Variants in HEATR4 observed in about 807,000 individuals in gnomAD.
HEATR4 encodes HEAT repeat-containing protein 4.
In HEATR4, 95 loss-of-function variants were observed where a neutral mutation model predicts 108.8. That is an observed-to-expected ratio of 0.87 (90% CI 0.74 to 1.04). The LOEUF is 1.04. Ranked by LOEUF, HEATR4 falls within the 50% of genes least tolerant of loss-of-function variation. The pLI, the probability that HEATR4 is intolerant of heterozygous loss-of-function variation, is 0.00. For missense variants in HEATR4, 1,152 were observed against 1,253.8 expected (o/e 0.92, Z 1.23); for synonymous variants, 443 against 459.4 (o/e 0.96, Z 0.46).
the HEATR4 span, chr14:73,581,132 C>CTTTTTTT: frequency 9.7e-5 from 14 of 144,308 alleles, no homozygotes; most frequent in Non-Finnish European, 7.6e-5. Context: ...TCACCTCACA[C>CTTTTTTT]TTTTTTTTTT....
Position 73,523,066 on chromosome 14 carries a change from T to A in HEATR4, c.87A>T (p.Leu29Phe), listed in dbSNP as rs1036334932. 1.9e-6 allele frequency: 3 copies of A among 1,613,662 alleles called. No homozygotes were observed. The highest frequency in any genetic ancestry group is 2.5e-6 in the Non-Finnish European group (3 of 1,180,008). ...LPPRLGWGMILNYSKLKGKEE... is the reference protein window; with the variant it reads ...LPPRLGWGMIFNYSKLKGKEE... ...CCTTGCCTTTCAATTTTGAGTAGTT[T>A]AAAATCATGCCCCATCCCAGTCGTG... The change falls in exon 3 of 18, where the codon TTA becomes TTT. Residue 29 changes from leucine to phenylalanine, a missense_variant. Transcript: ENST00000553558.
the HEATR4 span, chr14:73,569,576 G>T: frequency 1.3e-6 from 2 of 1,599,582 alleles, no homozygotes; most frequent in Non-Finnish European, 8.5e-7. Context: ...AGGCCCACGC[G>T]CGCTACCGCG....
chr14:73,569,175 C>A, the HEATR4 span: 2 of 1,572,108 alleles, frequency 1.3e-6, no homozygotes, highest in East Asian at 2.2e-5. Context: ...CTCTGGCCTT[C>A]CCCGCTCACG....
chr14:73,499,082 A>G lies in HEATR4; in HGVS notation c.2345T>C (p.Phe782Ser). Residue 782 changes from phenylalanine (F) to serine (S), a missense_variant, in exon 13 of 18, where the codon TTT (phenylalanine) becomes TCT (serine). Physicochemically the swap from Phe to Ser is radical, Grantham distance 155 (BLOSUM62 -2). Transcript: ENST00000553558. ...TACTTCTATAATACCTCGAATGGCA[A>G]AGGCCTTGATTTTCCAGTAAGGATC... is the stretch of plus-strand genomic sequence containing the variant. Reference protein sequence around the residue: ...QRDPYWKIKAFAIRALGQIGQ... With the variant: ...QRDPYWKIKASAIRALGQIGQ... 2 of 1,614,090 alleles carry G rather than the reference A, an allele frequency of 1.2e-6. No homozygotes were observed. Among genetic ancestry groups the G allele is most frequent in the African/African-American group, 1.3e-5 (1 of 75,052 alleles).
At chr14:73,621,340 T>G in the HEATR4 span, among the ~76,000 whole-genome samples, 36 of 152,292 alleles carry the variant, frequency 2.4e-4, no homozygotes, top group African/African-American at 8.4e-4. Flanking sequence ...AGGAATGCCT[T>G]GATGCCAAGA....
chr14:73,623,203 G>T, the HEATR4 span, among the ~76,000 whole-genome samples: 1 of 152,102 alleles, frequency 6.6e-6, no homozygotes, highest in Admixed American at 6.6e-5. Flanking sequence ...GAGCCACCAC[G>T]CCTGGCCTTA....
chr14:73,613,316 C>T, the HEATR4 span, among the ~76,000 whole-genome samples: 1 of 152,008 alleles, frequency 6.6e-6, no homozygotes, highest in African/African-American at 2.4e-5. Context: ...CTGGAGGCAC[C>T]ACCACTTTAG....
At chr14:73,520,628 T>C (rs1595131366) in intron 4 of HEATR4, 6 of 464,974 alleles carry the variant, frequency 1.3e-5, no homozygotes, top group Admixed American at 7.3e-5. Flanking sequence ...TTTAGTAAGA[T>C]AGAGGGATAG....
rs1886205299 is a variant in HEATR4, at chr14:73,498,047, C to CT, written c.2546+107dup. 1.4e-5 allele frequency: 14 copies of CT among 1,026,022 alleles called. No individual in the cohort carries two copies. The South Asian group carries it at 2.2e-4, about 16-fold the overall frequency. 63.6% of individuals were successfully genotyped at this position (1,026,022 alleles called of 1,614,324 possible). A position where few individuals can be genotyped will look rare whatever the true frequency, so the allele number is the denominator to read the frequency against. On this transcript the variant is annotated intron_variant, in intron 14 of 17. Transcript: ENST00000553558. ...TGGTGAATGTGCAGGTGAACCAGTG[C>CT]TTTTACTGCCATTAGGTAGCCTGGA...
chr14:73,505,309 C>G (rs1886738788), intron 10 of HEATR4, among the ~76,000 whole-genome samples: 1 of 152,148 alleles, frequency 6.6e-6, no homozygotes. Flanking sequence ...ATTGCTTGTT[C>G]TTGAATCATT....
the HEATR4 span, chr14:73,567,515 ACTCTGTAAAATGGAAAATCAGCG>A: frequency 1.3e-5 from 2 of 151,924 alleles, no homozygotes; most frequent in African/African-American, 2.4e-5. Flanking sequence ...ACCAATCAGC[ACTCTGTAAAATGGAAAATCAGCG>A]CTCTGTAAAA....
chr14:73,502,878 T>C lies in HEATR4; in HGVS notation c.2105+17A>G, dbSNP rs746859092. The C allele has an allele frequency of 1.6e-5, 25 of 1,582,504 alleles. No homozygotes were observed. The highest frequency in any genetic ancestry group is 3.3e-4 in the Middle Eastern group (2 of 6,014). ...AAGAATTTAGAAGAGTGTCTCCTCA[T>C]GTTGACTGGGTCTTACCTGATTATG... On this transcript the variant is annotated intron_variant, in intron 11 of 17. Transcript: ENST00000553558.
Position 73,533,334 on chromosome 14 carries a change from A to T in HEATR4, c.-151-3090T>A, listed in dbSNP as rs1424247307. On this transcript the variant is annotated intron_variant, in intron 1 of 17. Transcript: ENST00000553558. ...CAAATGTCCATCAGTGAATGAATGG[A>T]TAAACAAAATGTGGAAGATACATAC... Among the ~76,000 whole-genome samples, 2 of 115,560 alleles carry T rather than the reference A, an allele frequency of 1.7e-5. 1 individual carries two copies. The highest frequency in any genetic ancestry group is 3.8e-5 in the Non-Finnish European group (2 of 52,966). 75.8% of individuals were successfully genotyped at this position (115,560 alleles called of 152,430 possible).
At chr14:73,579,281 A>ATT in the HEATR4 span, among the ~76,000 whole-genome samples, 2 of 147,052 alleles carry the variant, frequency 1.4e-5, no homozygotes, top group South Asian at 4.3e-4. Context: ...AAAAAAAAAA[A>ATT]AAAAAAAAAA....
At position 73,509,858 on chromosome 14, in the gene HEATR4, ATATATATATATTTATT is replaced by A. The variant is rs1484653630; in HGVS notation, c.1559-401_1559-386del. Reference sequence around the variant, plus strand: ...TATATATATATATATATATATATATATATATATATATTTATTTATTTTATATATTTTTTGAGACGGA... The same window carrying A: ...TATATATATATATATATATATATATATATTTTATATATTTTTTGAGACGGA... On this transcript the variant is annotated intron_variant, in intron 7 of 17. Coordinates refer to ENST00000553558, the MANE Select transcript of HEATR4 (RefSeq NM_001220484.1). 3.7e-3 allele frequency among the ~76,000 whole-genome samples: 221 copies of A among 59,188 alleles called. 12 individuals carry two copies. Among genetic ancestry groups the A allele is most frequent in the Non-Finnish European group, 5.8e-3 (175 of 30,164 alleles). 38.8% of individuals were successfully genotyped at this position (59,188 alleles called of 152,430 possible). A position where few individuals can be genotyped will look rare whatever the true frequency, so the allele number is the denominator to read the frequency against.
chr14:73,495,922 G>GTTCGAGGCCAGGAA (rs1220615633), intron 15 of HEATR4, among the ~76,000 whole-genome samples: 8 of 152,168 alleles, frequency 5.3e-5, no homozygotes, highest in African/African-American at 1.9e-4. Context: ...GAGGCCAGGA[G>GTTCGAGGCCAGGAA]TTCAAGACCA....
the HEATR4 span, among the ~76,000 whole-genome samples, chr14:73,577,044 C>T: frequency 0.14 from 21,036 of 149,272 alleles, 2,204 homozygotes; most frequent in Non-Finnish European, 0.22. Flanking sequence ...TATTCTCCCA[C>T]CTCGGCCTCC....
chr14:73,591,993 CGCT>C, the HEATR4 span: 1 of 1,418,876 alleles, frequency 7.0e-7, no homozygotes, highest in Non-Finnish European at 9.2e-7. Flanking sequence ...GCCCCCAGGC[CGCT>C]GCTGCTGGAA....
At chr14:73,540,668 G>C (rs1181775757) in intron 1 of HEATR4, among the ~76,000 whole-genome samples, 1 of 120,640 alleles carries the variant, frequency 8.3e-6, no homozygotes, top group Admixed American at 9.0e-5. Context: ...ACAGGGGTCT[G>C]TGGGACGTTG....
Sources: allele counts gnomAD v4.1 joint callset (sites outside exome capture counted in the v4.1 genomes callset), GRCh38; gene constraint gnomAD v4.1.1; transcripts MANE v1.5; gene names NCBI Gene and HGNC (gene_info 2026-07-23, HGNC 2026-07-21).